TECPR2: variants seen among roughly 807,000 people sequenced by gnomAD.
TECPR2 encodes the protein tectonin beta-propeller repeat containing 2, also known as tectonin beta-propeller repeat-containing protein 2.
TECPR2 carries 65 observed loss-of-function variants against 138.1 expected under a neutral mutation model. The observed-to-expected ratio is 0.47, with a 90% CI of 0.39 to 0.58. TECPR2 has a LOEUF of 0.58. Among genes scored for constraint, TECPR2 ranks in the 20% least tolerant of loss-of-function variants. The pLI, the probability that TECPR2 is intolerant of heterozygous loss-of-function variation, is 0.00. For missense variants in TECPR2, 1,553 were observed against 1,824.5 expected, an observed-to-expected ratio of 0.85 and a Z score of 2.71; for synonymous variants, 746 against 749.8, an observed-to-expected ratio of 0.99 and a Z score of 0.08.
In TECPR2 at chr14:102,443,877, G is replaced by C; in HGVS notation, c.2933+50G>C. The stretch of plus-strand genomic sequence containing the variant: ...TCACATCGTGCTTGTCCTACCCTTC[G>C]TTCTTGTCCACTTGACACCACAAGG... On this transcript the variant is annotated intron_variant, in intron 12 of 19. Coordinates refer to ENST00000359520, the MANE Select transcript of TECPR2 (RefSeq NM_014844.5). This position sits in a 1 kb window ranked among gnomAD's most constrained non-coding sequence, Gnocchi z 4.9. 1 of 1,444,164 alleles carries C rather than the reference G, an allele frequency of 6.9e-7. No individual in the cohort carries two copies. The highest frequency in any genetic ancestry group is 9.2e-7 in the Non-Finnish European group (1 of 1,082,198). The allele number at this position is 1,444,164 out of a possible 1,614,324, so 89.5% of individuals were successfully genotyped here.
chr14:102,479,341 G>C (rs1365559940), intron 17 of TECPR2, among the ~76,000 whole-genome samples: 3 of 152,214 alleles, frequency 2.0e-5, no homozygotes, highest in Non-Finnish European at 4.4e-5. Context: ...TGAGACATTA[G>C]CTCTGTGGGC....
At chr14:102,446,091 A>C in intron 13 of TECPR2, 144 bp downstream of exon 13, 1 of 1,139,252 alleles carries the variant, frequency 8.8e-7, no homozygotes, top group Non-Finnish European at 1.2e-6. Context: ...TTTTGAAACA[A>C]GATCTCCTTC....
Position 102,490,870 on chromosome 14 carries a change from G to T in TECPR2, c.3790-6109G>T, listed in dbSNP as rs563915610. Among the ~76,000 whole-genome samples the T allele has an allele frequency of 7.9e-5, 12 of 152,292 alleles. No homozygotes were observed. The East Asian group carries it at 1.9e-3, about 24-fold the overall frequency. On this transcript the variant is annotated intron_variant, in intron 17 of 19. Coordinates refer to ENST00000359520, the MANE Select transcript of TECPR2 (RefSeq NM_014844.5). ...AAGGGTCCTCAGACGACATGTGCTA[G>T]TTCATATCTCTCCTCTTTTTTTGTT...
In TECPR2 at chr14:102,367,766, C is replaced by T. The variant is rs1465359281; in HGVS notation, c.-73+4650C>T. Among the ~76,000 whole-genome samples the T allele has an allele frequency of 2.6e-5, 4 of 151,984 alleles. No homozygotes were observed. The East Asian group carries it at 7.7e-4, about 29-fold the overall frequency. Reference sequence around the variant, plus strand: ...GTTATCATTTCTATTGGGCATAAACCTAGGAATAGAACTTCTGGGTCACAT... The same window carrying T: ...GTTATCATTTCTATTGGGCATAAACTTAGGAATAGAACTTCTGGGTCACAT... On this transcript the variant is annotated intron_variant, in intron 1 of 19. Transcript: ENST00000359520.
chr14:102,373,606 A>G (rs1887565192), intron 1 of TECPR2, among the ~76,000 whole-genome samples: 2 of 152,238 alleles, frequency 1.3e-5, no homozygotes, highest in South Asian at 4.1e-4. Context: ...TTGTAAGTTG[A>G]GGAGCATCTG....
intron 16 of TECPR2, 59 bp from the exon 17 acceptor site, chr14:102,465,082 T>G: frequency 6.3e-7 from 1 of 1,579,424 alleles, no homozygotes; most frequent in Non-Finnish European, 8.6e-7. Flanking sequence ...ATAGATTAGA[T>G]GAAAGAATAG....
At position 102,411,698 on chromosome 14, in the gene TECPR2, T is replaced by TAAAAAAAAAAAAAAAAAAAA. The variant is rs1219515960; in HGVS notation, c.481-2938_481-2937insAAAAAAAAAAAAAAAAAAAA. Among the ~76,000 whole-genome samples, 19 of 9,682 alleles carry TAAAAAAAAAAAAAAAAAAAA rather than the reference T, an allele frequency of 2.0e-3. 1 individual carries two copies. The highest frequency in any genetic ancestry group is 4.9e-3 in the South Asian group (1 of 204). 6.4% of individuals were successfully genotyped at this position (9,682 alleles called of 152,430 possible). On this transcript the variant is annotated intron_variant, in intron 4 of 19. Transcript: ENST00000359520. ...CAGGTGAAATAAACAGCCATGTTGCTCAAAAAAAAAAAAAAAAAAAAAAAA... is the reference window on the plus strand; with the variant it reads ...CAGGTGAAATAAACAGCCATGTTGCTAAAAAAAAAAAAAAAAAAAACAAAAAAAAAAAAAAAAAAAAAAAA...
At chr14:102,463,215 A>G (rs1356432613) in intron 16 of TECPR2, among the ~76,000 whole-genome samples, 6 of 151,860 alleles carry the variant, frequency 4.0e-5, no homozygotes, top group Non-Finnish European at 1.5e-5. Flanking sequence ...TCAGGAGTTC[A>G]AGACCAGCTT....
chr14:102,403,071 G>A (rs1353622128), intron 2 of TECPR2, among the ~76,000 whole-genome samples: 2 of 152,106 alleles, frequency 1.3e-5, no homozygotes, highest in Non-Finnish European at 1.5e-5. Flanking sequence ...ATCAAAACTA[G>A]AAAAGATAAC....
chr14:102,365,553 G>GTACTGATT (rs1887323080), intron 1 of TECPR2, among the ~76,000 whole-genome samples: 1 of 152,208 alleles, frequency 6.6e-6, no homozygotes, highest in African/African-American at 2.4e-5. Context: ...AAGGAACGAA[G>GTACTGATT]TACTGATTTG....
Position 102,450,605 on chromosome 14 carries a change from C to T in TECPR2, c.3362C>T (p.Thr1121Ile). The change falls in exon 15 of 20, where the codon ACA (threonine) becomes ATA (isoleucine). Residue 1121 changes from threonine to isoleucine, a missense_variant. Coordinates refer to ENST00000359520, the MANE Select transcript of TECPR2 (RefSeq NM_014844.5). Reference sequence around the variant, plus strand: ...GTTCCCCGTGGGACAGCTTCTGCTACAAAATGGGCCTTTGTGTTGGCTTCT... The same window carrying T: ...GTTCCCCGTGGGACAGCTTCTGCTATAAAATGGGCCTTTGTGTTGGCTTCT... Reference protein sequence around the residue: ...HVVPRGTASATKWAFVLASAA... With the variant: ...HVVPRGTASAIKWAFVLASAA... 5 of 1,614,220 alleles carry T rather than the reference C, an allele frequency of 3.1e-6. No individual in the cohort carries two copies. The highest frequency in any genetic ancestry group is 4.2e-6 in the Non-Finnish European group (5 of 1,180,034).
At chr14:102,385,868 C>T (rs535124825) in intron 2 of TECPR2, among the ~76,000 whole-genome samples, 17 of 150,454 alleles carry the variant, frequency 1.1e-4, no homozygotes, top group African/African-American at 2.2e-4. Context: ...CCCAGGAGGT[C>T]GAGGTCGTAG....
At position 102,416,998 on chromosome 14, in the gene TECPR2, C is replaced by CA. The variant is rs1243408396; in HGVS notation, c.638+2212dup. ...GACTTCATCTCAAAAAAATCGAAAA[C>CA]AAAAAAACAAAAAACAAACCTGGCC... is the stretch of plus-strand genomic sequence containing the variant. On this transcript the variant is annotated intron_variant, in intron 5 of 19. Transcript: ENST00000359520. Among the ~76,000 whole-genome samples the CA allele has an allele frequency of 1.3e-5, 2 of 151,932 alleles. 1 individual carries two copies. The highest frequency in any genetic ancestry group is 2.9e-5 in the Non-Finnish European group (2 of 67,958).
rs1480345244 is a variant in TECPR2 at position 102,499,025 on chromosome 14, A to G, written c.*768A>G. 3 of 697,824 alleles carry G rather than the reference A, an allele frequency of 4.3e-6. No individual in the cohort carries two copies. Among genetic ancestry groups the G allele is most frequent in the Non-Finnish European group, 5.2e-6 (2 of 384,066 alleles). The allele number at this position is 697,824 out of a possible 1,614,324, so 43.2% of individuals were successfully genotyped here. ...GCACCGCACCGCACCGTACCTCGCC[A>G]CATCTCACCACACCACACCACACCA... On this transcript the variant is annotated 3_prime_UTR_variant, in exon 20 of 20. Coordinates refer to ENST00000359520, the MANE Select transcript of TECPR2 (RefSeq NM_014844.5).
intron 2 of TECPR2, among the ~76,000 whole-genome samples, chr14:102,391,076 T>C (rs1195609272): frequency 6.6e-6 from 1 of 152,186 alleles, no homozygotes; most frequent in Non-Finnish European, 1.5e-5. Flanking sequence ...TTTTGTCTTT[T>C]GAGACAGATT....
At chr14:102,457,706 A>AC (rs1255672248) in intron 16 of TECPR2, among the ~76,000 whole-genome samples, 1 of 151,960 alleles carries the variant, frequency 6.6e-6, no homozygotes, top group Non-Finnish European at 1.5e-5. Flanking sequence ...ACATAGCAAG[A>AC]CCCCATCTCT....
In TECPR2 at chr14:102,363,069, TCCTCCGGCCCGGCGGGGCCGACGA is replaced by T; in HGVS notation, c.-119_-96del. On this transcript the variant is annotated 5_prime_UTR_variant, in exon 1 of 20. Transcript: ENST00000359520. ...CCCGCGGCCCGGAGTCCATCCCGCC[TCCTCCGGCCCGGCGGGGCCGACGA>T]GTCCGGAGGGGCTGCCGCGGGAGGT... 1 of 509,910 alleles carries T rather than the reference TCCTCCGGCCCGGCGGGGCCGACGA, an allele frequency of 2.0e-6. No homozygotes were observed. 31.6% of individuals were successfully genotyped at this position (509,910 alleles called of 1,614,324 possible). A position where few individuals can be genotyped will look rare whatever the true frequency, so the allele number is the denominator to read the frequency against.
Position 102,502,468 on chromosome 14 carries a change from A to G in TECPR2, c.*4211A>G, listed in dbSNP as rs1891466878. 6.6e-6 allele frequency: 1 copy of G among 152,662 alleles called. No individual in the cohort carries two copies. Among genetic ancestry groups the G allele is most frequent in the Non-Finnish European group, 1.5e-5 (1 of 68,052 alleles). 9.5% of individuals were successfully genotyped at this position (152,662 alleles called of 1,614,324 possible). On this transcript the variant is annotated 3_prime_UTR_variant, in exon 20 of 20. Coordinates refer to ENST00000359520, the MANE Select transcript of TECPR2 (RefSeq NM_014844.5). ...TATTCCAAAAATAAAGCAGATTTAC[A>G]TTTTAAAAATTCAGTTGTCTCTAAC...
At chr14:102,427,193 T>G (rs185126524) in intron 6 of TECPR2, among the ~76,000 whole-genome samples, 5 of 152,334 alleles carry the variant, frequency 3.3e-5, no homozygotes, top group Admixed American at 2.0e-4. Flanking sequence ...TTTGCACCCT[T>G]TCCTCAGTTA....
Sources: gnomAD v4.1 joint callset for allele counts (sites outside exome capture counted in the v4.1 genomes callset) on GRCh38, gnomAD v4.1.1 for gene constraint, Gnocchi (gnomAD v3.1) non-coding constraint, MANE v1.5 for transcripts, NCBI Gene and HGNC (gene_info 2026-07-23, HGNC 2026-07-21) for gene names.